Variants in CDK13 observed in about 807,000 individuals in gnomAD.
The protein encoded by CDK13 is cyclin-dependent kinase 13.
A neutral mutation model predicts 137.6 loss-of-function variants in CDK13; 40 were observed. The observed-to-expected ratio is 0.29, with a 90% CI of 0.23 to 0.38. CDK13 has a LOEUF of 0.38. CDK13 is among the 10% of genes least tolerant of loss of function. The pLI is 1.00. For synonymous variants in CDK13, 869 were observed against 760.1 expected (o/e 1.14, Z -2.36); for missense variants, 1,704 against 1,951.8 (o/e 0.87, Z 2.39).
intron 11 of CDK13, among the ~76,000 whole-genome samples, chr7:40,079,351 G>A (rs755160487): frequency 3.3e-5 from 5 of 151,972 alleles, no homozygotes; most frequent in Non-Finnish European, 5.9e-5. Flanking sequence ...CCCGCGAGGC[G>A]GAGGTTGCAG....
intron 5 of CDK13, among the ~76,000 whole-genome samples, chr7:40,014,359 C>T (rs1784960096): frequency 6.6e-6 from 1 of 151,054 alleles, no homozygotes; most frequent in Non-Finnish European, 1.5e-5. Context: ...GAGCCACTGC[C>T]CCCAGCCTGT....
At chr7:40,046,447 C>A (rs1370637235) in intron 6 of CDK13, among the ~76,000 whole-genome samples, 4 of 151,994 alleles carry the variant, frequency 2.6e-5, no homozygotes, top group Non-Finnish European at 5.9e-5. Context: ...AGTTCATGAC[C>A]AGCCTGGCCA....
intron 5 of CDK13, among the ~76,000 whole-genome samples, chr7:40,039,074 T>C (rs1024759597): frequency 4.6e-5 from 7 of 152,162 alleles, no homozygotes; most frequent in African/African-American, 7.2e-5. Flanking sequence ...ATGAGCTAAT[T>C]GTCTCTCTTT....
intron 5 of CDK13, among the ~76,000 whole-genome samples, chr7:40,038,369 G>C (rs1411966680): frequency 6.6e-6 from 1 of 152,188 alleles, no homozygotes; most frequent in Non-Finnish European, 1.5e-5. Flanking sequence ...GTATGCTATA[G>C]TTTATTCAGC....
intron 1 of CDK13, among the ~76,000 whole-genome samples, chr7:39,967,427 G>C (rs1422552012): frequency 6.6e-6 from 1 of 151,388 alleles, no homozygotes; most frequent in African/African-American, 2.4e-5. Context: ...GTGAGACCCT[G>C]TCTCAAAAAC....
chr7:40,086,987 A>G (rs1411381103), intron 11 of CDK13, among the ~76,000 whole-genome samples: 1 of 151,384 alleles, frequency 6.6e-6, no homozygotes, highest in Non-Finnish European at 1.5e-5. Flanking sequence ...TAATTTTTTT[A>G]TAGAGACAGG....
chr7:40,025,405 A>C (rs537507955), intron 5 of CDK13, among the ~76,000 whole-genome samples: 1 of 152,116 alleles, frequency 6.6e-6, no homozygotes, highest in Non-Finnish European at 1.5e-5. Flanking sequence ...GAGTTTATAT[A>C]AAATTATAAT....
intron 7 of CDK13, among the ~76,000 whole-genome samples, chr7:40,049,674 A>C (rs1785837062): frequency 6.6e-6 from 1 of 152,096 alleles, no homozygotes; most frequent in African/African-American, 2.4e-5. Flanking sequence ...TGTACAATAA[A>C]TCTCTTGAAT....
In CDK13 at chr7:40,063,036, G is replaced by T; in HGVS notation, c.2716G>T (p.Glu906Ter). Residue 906 changes from glutamate (E) to a stop codon, truncating the protein, a stop_gained, in exon 9 of 14, where the codon GAA becomes TAA. Transcript: ENST00000181839. LOFTEE classifies it high-confidence loss of function. ...TTTTTCCATTAGCTGTATCCTTGGC[G>T]AACTCTTCACTAAAAAACCTATATT... is the stretch of plus-strand genomic sequence containing the variant. ...DVWSCGCILG[E>*]LFTKKPIFQA... 6.2e-7 allele frequency: 1 copy of T among 1,613,614 alleles called. No homozygotes were observed. Among genetic ancestry groups the T allele is most frequent in the South Asian group, 1.1e-5 (1 of 91,066 alleles).
chr7:39,950,686 G>C lies in CDK13; in HGVS notation c.45G>C (p.Leu15=), dbSNP rs1215693519. The C allele has an allele frequency of 7.0e-6, 10 of 1,425,888 alleles. No individual in the cohort carries two copies. The East Asian group carries it at 2.4e-4, about 34-fold the overall frequency. The allele number at this position is 1,425,888 out of a possible 1,614,324, so 88.3% of individuals were successfully genotyped here. The change falls in exon 1 of 14, where the codon CTG becomes CTC. Residue 15 remains leucine, a synonymous_variant. Coordinates refer to ENST00000181839, the MANE Select transcript of CDK13 (RefSeq NM_003718.5). Reference sequence around the variant, plus strand: ...CGGCGCTGGGGGGAGGCGGGGGCCTGAGCTGGGCGGAGAAGAAGTTGGAGG... The same window carrying C: ...CGGCGCTGGGGGGAGGCGGGGGCCTCAGCTGGGCGGAGAAGAAGTTGGAGG... The part of the protein sequence containing the change: ...SDTALGGGGG[L]SWAEKKLEER...
intron 5 of CDK13, among the ~76,000 whole-genome samples, chr7:40,006,579 T>G (rs978337225): frequency 1.3e-5 from 2 of 152,272 alleles, no homozygotes; most frequent in Admixed American, 1.3e-4. Context: ...TTTGGTTGGC[T>G]GAGGCGGGCG....
At chr7:39,961,288 A>G (rs1175509417) in intron 1 of CDK13, among the ~76,000 whole-genome samples, 2 of 152,122 alleles carry the variant, frequency 1.3e-5, no homozygotes, top group Admixed American at 1.3e-4. Context: ...CGAACTTGGG[A>G]GGCAGAGGTT....
At chr7:39,952,494 TG>T in intron 1 of CDK13, 1 of 152,344 alleles carries the variant, frequency 6.6e-6, no homozygotes, top group Admixed American at 6.5e-5. Flanking sequence ...AGTTTTTACC[TG>T]ATCTTTCAAA....
At position 40,094,801 on chromosome 7, in the gene CDK13, C is replaced by G. The variant is rs1486531602; in HGVS notation, c.4360C>G (p.Pro1454Ala). The G allele has an allele frequency of 3.1e-6, 5 of 1,593,714 alleles. No individual in the cohort carries two copies. Among genetic ancestry groups the G allele is most frequent in the Non-Finnish European group, 4.3e-6 (5 of 1,170,976 alleles). ...STGPESTHPL[P>A]AKMHNYNYGG... ...GGGGCCAGAGAGTACTCATCCTTTG[C>G]CAGCAAAGATGCACAACTATAACTA... Residue 1454 changes from proline to alanine, a missense_variant, in exon 14 of 14, where the codon CCA (proline) becomes GCA (alanine). Pro to Ala is a conservative substitution (Grantham distance 27). This residue lies in a region of CDK13 where 475 missense variants were observed against 579.3 expected (regional missense o/e 0.82). Coordinates refer to ENST00000181839, the MANE Select transcript of CDK13 (RefSeq NM_003718.5).
chr7:40,038,237 C>T (rs1562742482), intron 5 of CDK13, among the ~76,000 whole-genome samples: 1 of 152,068 alleles, frequency 6.6e-6, no homozygotes, highest in South Asian at 2.1e-4. Context: ...TGTAAGTGCT[C>T]TGCTGTACCT....
At chr7:39,994,167 T>C (rs967065454) in intron 2 of CDK13, among the ~76,000 whole-genome samples, 1 of 152,140 alleles carries the variant, frequency 6.6e-6, no homozygotes, top group Non-Finnish European at 1.5e-5. Context: ...GACATTTGTT[T>C]TGCTTTTGGT....
At chr7:40,089,252 TC>T (rs1281351210) in intron 12 of CDK13, among the ~76,000 whole-genome samples, 2 of 150,064 alleles carry the variant, frequency 1.3e-5, no homozygotes, top group African/African-American at 4.9e-5. Context: ...CCAGACAACT[TC>T]CTGAAACTCT....
At chr7:40,042,977 A>G (rs1785646561) in intron 5 of CDK13, among the ~76,000 whole-genome samples, 1 of 151,828 alleles carries the variant, frequency 6.6e-6, no homozygotes, top group Admixed American at 6.6e-5. Context: ...GGATCTCTCC[A>G]TGTCGCCCCA....
chr7:40,094,031 C>A, intron 13 of CDK13, 99 bp from the exon 14 acceptor site: 1 of 1,379,990 alleles, frequency 7.2e-7, no homozygotes, highest in South Asian at 1.4e-5. Flanking sequence ...GATGGAACTT[C>A]TAATCATCTT....
Sources: allele counts gnomAD v4.1 joint callset (sites outside exome capture counted in the v4.1 genomes callset), GRCh38; gene constraint gnomAD v4.1.1; regional missense constraint gnomAD v4.1.1; transcripts MANE v1.5; gene names NCBI Gene and HGNC (gene_info 2026-07-23, HGNC 2026-07-21).